Variants in RAB28 observed in about 807,000 individuals in gnomAD.
RAB28 encodes the protein ras-related protein Rab-28.
In RAB28, 24 loss-of-function variants were observed where a neutral mutation model predicts 31.7. The ratio of observed to expected loss-of-function variants is 0.76; its 90% CI spans 0.55 to 1.06. The LOEUF (loss-of-function observed/expected upper bound fraction) is 1.06, where lower values mean the gene tolerates loss of function less well. Ranked by LOEUF, RAB28 falls within the 50% of genes least tolerant of loss-of-function variation. The probability of loss-of-function intolerance (pLI) is 0.00; values close to 1 mark genes in which losing one functional copy is unlikely to be tolerated. For synonymous variants in RAB28, 100 were observed against 90.4 expected, an observed-to-expected ratio of 1.11 and a Z score of -0.60; for missense variants, 254 against 258.5, an observed-to-expected ratio of 0.98 and a Z score of 0.12.
chr4:13,430,147 C>T (rs7678807), intron 4 of RAB28, among the ~76,000 whole-genome samples: 8,513 of 152,148 alleles, frequency 0.056, 543 homozygotes, highest in African/African-American at 0.16. Context: ...AAAAACAGAA[C>T]CCCTGCTCAC....
intron 6 of RAB28, among the ~76,000 whole-genome samples, chr4:13,375,826 C>T (rs1308454760): frequency 6.6e-6 from 1 of 151,314 alleles, no homozygotes; most frequent in Non-Finnish European, 1.5e-5. Flanking sequence ...GAAAAAGATA[C>T]AGAACTAACT....
At chr4:13,376,489 T>A (rs1728925925) in intron 6 of RAB28, 56 bp downstream of exon 6, 1 of 1,328,052 alleles carries the variant, frequency 7.5e-7, no homozygotes, top group East Asian at 2.4e-5. Context: ...TGGGTGAAAA[T>A]TAATGCCTTG....
intron 6 of RAB28, among the ~76,000 whole-genome samples, chr4:13,373,987 GTATA>G (rs1228097305): frequency 2.0e-5 from 3 of 150,518 alleles, no homozygotes; most frequent in Non-Finnish European, 3.0e-5. Context: ...ATGTGTGTGT[GTATA>G]TATATATAAT....
intron 4 of RAB28, among the ~76,000 whole-genome samples, chr4:13,402,246 G>T (rs1275090417): frequency 1.3e-5 from 2 of 152,132 alleles, no homozygotes; most frequent in Admixed American, 1.3e-4. Flanking sequence ...TGTCTATTAG[G>T]TCTAGCTGAC....
intron 3 of RAB28, among the ~76,000 whole-genome samples, chr4:13,471,511 TC>T (rs1440176023): frequency 2.6e-5 from 4 of 152,036 alleles, no homozygotes; most frequent in Admixed American, 6.6e-5. Context: ...CCTTTTTTTT[TC>T]TTCTTTATAA....
At chr4:13,457,167 T>C (rs896361198) in intron 4 of RAB28, among the ~76,000 whole-genome samples, 14 of 152,216 alleles carry the variant, frequency 9.2e-5, no homozygotes, top group African/African-American at 3.1e-4. Context: ...TATGTTTATG[T>C]AATGAGTATA....
At chr4:13,480,344 A>G (rs1372094619) in intron 1 of RAB28, among the ~76,000 whole-genome samples, 2 of 151,826 alleles carry the variant, frequency 1.3e-5, no homozygotes. Flanking sequence ...AACATTTTAA[A>G]TGCACTATTT....
intron 6 of RAB28, chr4:13,371,689 A>G: frequency 6.6e-7 from 1 of 1,505,784 alleles, no homozygotes; most frequent in Non-Finnish European, 8.8e-7. Flanking sequence ...AGAAAAACAT[A>G]ATTTCCATGT....
At position 13,387,847 on chromosome 4, in the gene RAB28, T is replaced by C. The variant is rs114020560; in HGVS notation, c.392-6253A>G. On this transcript the variant is annotated intron_variant, in intron 4 of 6. Coordinates refer to ENST00000330852, the MANE Select transcript of RAB28 (RefSeq NM_001017979.3). Reference sequence around the variant, plus strand: ...CACCATTTTTGAATGCCAGACAAAGTATATGTGCTTCTAAAGACATTGTCC... The same window carrying C: ...CACCATTTTTGAATGCCAGACAAAGCATATGTGCTTCTAAAGACATTGTCC... 3.9e-3 allele frequency among the ~76,000 whole-genome samples: 590 copies of C among 152,174 alleles called. 7 individuals carry two copies. The highest frequency in any genetic ancestry group is 5.2e-3 in the Non-Finnish European group (354 of 67,912).
At chr4:13,433,863 T>C (rs925796057) in intron 4 of RAB28, among the ~76,000 whole-genome samples, 4 of 152,120 alleles carry the variant, frequency 2.6e-5, no homozygotes, top group Non-Finnish European at 5.9e-5. Flanking sequence ...TATATGCTCA[T>C]ATGCTCATTG....
chr4:13,470,510 T>C (rs1462130187), intron 3 of RAB28, among the ~76,000 whole-genome samples: 1 of 152,040 alleles, frequency 6.6e-6, no homozygotes, highest in Non-Finnish European at 1.5e-5. Flanking sequence ...AGTAGTTATG[T>C]TCTACCTCAC....
intron 4 of RAB28, among the ~76,000 whole-genome samples, chr4:13,392,705 A>G (rs892481453): frequency 1.1e-4 from 17 of 152,206 alleles, no homozygotes; most frequent in African/African-American, 4.1e-4. Flanking sequence ...ACAAAAAAAG[A>G]TAAGTGTTTT....
At chr4:13,406,902 T>C (rs1328733520) in intron 4 of RAB28, among the ~76,000 whole-genome samples, 26 of 152,218 alleles carry the variant, frequency 1.7e-4, no homozygotes, top group Admixed American at 1.7e-3. Context: ...TATTAGCCCT[T>C]TGTCAAATGG....
intron 4 of RAB28, among the ~76,000 whole-genome samples, chr4:13,405,599 C>T (rs1237416287): frequency 6.6e-6 from 1 of 152,056 alleles, no homozygotes; most frequent in Non-Finnish European, 1.5e-5. Flanking sequence ...GAAATACAAT[C>T]AGCATTTATG....
intron 4 of RAB28, among the ~76,000 whole-genome samples, chr4:13,398,206 G>A (rs539003609): frequency 2.6e-5 from 4 of 152,116 alleles, no homozygotes; most frequent in African/African-American, 9.6e-5. Context: ...TAAAAAATTT[G>A]TGCATATATC....
At chr4:13,420,338 G>A (rs1026276399) in intron 4 of RAB28, among the ~76,000 whole-genome samples, 9 of 152,262 alleles carry the variant, frequency 5.9e-5, no homozygotes, top group Admixed American at 5.9e-4. Context: ...ACAAAGAGGA[G>A]CTGATACCAA....
chr4:13,460,043 A>G lies in RAB28; in HGVS notation c.391+656T>C, dbSNP rs982584423. 4 of 501,576 alleles carry G rather than the reference A, an allele frequency of 8.0e-6. No homozygotes were observed. In the African/African-American group the frequency reaches 8.1e-5, roughly 10 times the overall value. 31.1% of individuals were successfully genotyped at this position (501,576 alleles called of 1,614,324 possible). A position where few individuals can be genotyped will look rare whatever the true frequency, so the allele number is the denominator to read the frequency against. ...AAAACAGTTATTGAAAAGATTGTAC[A>G]CACTCTTAGGAATTTTCTACTCAAA... On this transcript the variant is annotated intron_variant, in intron 4 of 6. Transcript: ENST00000330852.
chr4:13,466,576 C>T (rs1294017055), intron 3 of RAB28, among the ~76,000 whole-genome samples: 2 of 151,760 alleles, frequency 1.3e-5, no homozygotes, highest in Non-Finnish European at 2.9e-5. Flanking sequence ...AGAAAAGGGA[C>T]CTCTGTACAC....
intron 6 of RAB28, chr4:13,371,993 TGGGTTG>T: frequency 1.2e-6 from 1 of 866,914 alleles, no homozygotes; most frequent in Non-Finnish European, 1.9e-6. Flanking sequence ...AAGCAACCTA[TGGGTTG>T]GGGCACAAGG....
Sources: gnomAD v4.1 joint callset for allele counts (sites outside exome capture counted in the v4.1 genomes callset) on GRCh38, gnomAD v4.1.1 for gene constraint, MANE v1.5 for transcripts, NCBI Gene and HGNC (gene_info 2026-07-23, HGNC 2026-07-21) for gene names.